The following MGAM variants were observed in gnomAD, a reference collection of about 807,000 sequenced individuals.
MGAM encodes the protein alpha-1,4-glucosidase.
A neutral mutation model predicts 358.8 loss-of-function variants in MGAM; 253 were observed. The observed-to-expected ratio is 0.71, with a 90% CI of 0.64 to 0.78. The LOEUF is 0.78. Among genes scored for constraint, MGAM ranks in the 30% least tolerant of loss-of-function variants. The pLI is 0.00. For missense variants in MGAM, 3,080 were observed against 3,432.6 expected, an observed-to-expected ratio of 0.90 and a Z score of 2.57; for synonymous variants, 1,105 against 1,227.1, an observed-to-expected ratio of 0.90 and a Z score of 2.08.
chr7:142,096,964 T>G (rs111519862), intron 65 of MGAM, among the ~76,000 whole-genome samples: 37,410 of 150,348 alleles, frequency 0.25, 5,628 homozygotes, highest in Non-Finnish European at 0.33. Flanking sequence ...AGTCTCACTC[T>G]GTCATCCAGG....
At chr7:142,017,070 T>C (rs1806030384) in intron 3 of MGAM, among the ~76,000 whole-genome samples, 1 of 152,184 alleles carries the variant, frequency 6.6e-6, no homozygotes, top group African/African-American at 2.4e-5. Flanking sequence ...TTCTAAGGTC[T>C]CATTTTGTGC....
Position 142,097,651 on chromosome 7 carries a change from T to G in MGAM, c.7749+2T>G. On this transcript the variant is annotated splice_donor_variant, in intron 66 of 70. Transcript: ENST00000475668. LOFTEE classifies it high-confidence loss of function. ...GCCCGCTGGTATGATTACTACACGG[T>G]AAGTTTTTCTGAATGTTTATACAAC... The G allele has an allele frequency of 1.2e-6, 2 of 1,603,124 alleles. No homozygotes were observed. The highest frequency in any genetic ancestry group is 2.2e-5 in the South Asian group (2 of 90,840).
intron 3 of MGAM, among the ~76,000 whole-genome samples, chr7:142,010,159 T>G (rs571355494): frequency 5.3e-4 from 80 of 152,234 alleles, no homozygotes; most frequent in Non-Finnish European, 2.5e-4. Flanking sequence ...CAAGCCACCC[T>G]GACACCCTGA....
intron 30 of MGAM, 90 bp downstream of exon 30, chr7:142,057,032 A>C (rs1427010002): frequency 2.6e-6 from 3 of 1,149,924 alleles, no homozygotes; most frequent in Non-Finnish European, 3.7e-6. Flanking sequence ...CTCAGTTGAC[A>C]ACTGGAAATA....
In MGAM at chr7:142,086,052, T is replaced by C; in HGVS notation, c.6636+91T>C. 6.0e-6 allele frequency: 9 copies of C among 1,499,788 alleles called. 2 individuals carry two copies. The highest frequency in any genetic ancestry group is 8.2e-6 in the Non-Finnish European group (9 of 1,094,028). The allele number at this position is 1,499,788 out of a possible 1,614,324, so 92.9% of individuals were successfully genotyped here. The stretch of plus-strand genomic sequence containing the variant: ...TTATACTTTATTTCCATGTTGCAAG[T>C]AGATAAATTGAAGTGTAGTAAGAAA... On this transcript the variant is annotated intron_variant, in intron 55 of 70. Coordinates refer to ENST00000475668, the MANE Select transcript of MGAM (RefSeq NM_001365693.1).
intron 3 of MGAM, among the ~76,000 whole-genome samples, chr7:142,014,593 T>A (rs911872123): frequency 6.6e-6 from 1 of 152,128 alleles, no homozygotes; most frequent in Non-Finnish European, 1.5e-5. Flanking sequence ...ATATCCCTTC[T>A]GTATTATTAC....
chr7:142,038,862 C>T (rs1043918896), intron 19 of MGAM, among the ~76,000 whole-genome samples: 5 of 152,110 alleles, frequency 3.3e-5, no homozygotes, highest in African/African-American at 1.2e-4. Flanking sequence ...TCTAGAGTTA[C>T]AAGTTATGTT....
At chr7:142,056,380 T>A (rs1248283889) in intron 29 of MGAM, among the ~76,000 whole-genome samples, 3 of 152,192 alleles carry the variant, frequency 2.0e-5, no homozygotes, top group African/African-American at 7.2e-5. Flanking sequence ...GCCAGTTATA[T>A]AATTTGAATT....
chr7:142,077,448 A>G (rs1374485495), intron 47 of MGAM, among the ~76,000 whole-genome samples: 2 of 145,716 alleles, frequency 1.4e-5, no homozygotes, highest in Admixed American at 7.0e-5. Flanking sequence ...TTATTACTCC[A>G]GACGTGTGAG....
At chr7:142,025,851 A>T (rs1450852068) in intron 8 of MGAM, among the ~76,000 whole-genome samples, 1 of 152,224 alleles carries the variant, frequency 6.6e-6, no homozygotes. Context: ...ATGATCTAAC[A>T]TGATTCTAGG....
intron 3 of MGAM, among the ~76,000 whole-genome samples, chr7:142,011,158 A>G (rs1363407186): frequency 6.6e-6 from 1 of 152,214 alleles, no homozygotes; most frequent in Non-Finnish European, 1.5e-5. Context: ...TAACAATAAC[A>G]TAAGTGGTAA....
intron 2 of MGAM, among the ~76,000 whole-genome samples, chr7:141,989,878 A>G (rs1395728095): frequency 6.6e-6 from 1 of 152,228 alleles, no homozygotes; most frequent in Non-Finnish European, 1.5e-5. Flanking sequence ...TAATCCACCC[A>G]TAGTTAATTA....
At chr7:142,061,861 A>G (rs1013129953) in intron 34 of MGAM, among the ~76,000 whole-genome samples, 1 of 152,224 alleles carries the variant, frequency 6.6e-6, no homozygotes, top group Non-Finnish European at 1.5e-5. Context: ...GGCAATATAA[A>G]TATCACTCAG....
intron 1 of MGAM, among the ~76,000 whole-genome samples, chr7:141,999,200 A>G (rs1280545945): frequency 6.6e-6 from 1 of 152,220 alleles, no homozygotes; most frequent in African/African-American, 2.4e-5. Context: ...AACTGCAAGC[A>G]GATTTCTTTC....
At chr7:142,080,683 G>A (rs1814175291) in intron 49 of MGAM, 108 bp from the exon 50 acceptor site, 1 of 1,012,122 alleles carries the variant, frequency 9.9e-7, no homozygotes, top group African/African-American at 1.5e-5. Flanking sequence ...ACTTAAAGAA[G>A]ACAGAAACAT....
intron 57 of MGAM, among the ~76,000 whole-genome samples, chr7:142,088,656 GTCTATCTATCTATCTATCTATCTA>G (rs35627220): frequency 8.0e-6 from 1 of 125,746 alleles, no homozygotes; most frequent in South Asian, 2.7e-4. Flanking sequence ...CTATCTGTCT[GTCTATCTATCTATCTATCTATCTA>G]TCTATCTATC....
intron 3 of MGAM, among the ~76,000 whole-genome samples, chr7:142,014,386 A>G (rs879950304): frequency 3.9e-5 from 6 of 152,190 alleles, no homozygotes; most frequent in Non-Finnish European, 7.3e-5. Flanking sequence ...GGGACTTGAT[A>G]AAAGATAGGG....
rs552527241 is a variant in MGAM, at chr7:142,060,768, T to A, written c.4122+395T>A. Among the ~76,000 whole-genome samples, 7 of 152,332 alleles carry A rather than the reference T, an allele frequency of 4.6e-5. No individual in the cohort carries two copies. The South Asian group carries it at 1.5e-3, about 32-fold the overall frequency. On this transcript the variant is annotated intron_variant, in intron 34 of 70. Transcript: ENST00000475668. ...CTGTTGTTGCCTCGGTTATCCCTTT[T>A]AAACAGTCTTCAACCCTCGAAGACT...
intron 21 of MGAM, among the ~76,000 whole-genome samples, chr7:142,042,050 AAT>A (rs367917450): frequency 3.0e-4 from 18 of 60,252 alleles, no homozygotes; most frequent in African/African-American, 1.4e-3. Context: ...TATAATATAT[AAT>A]ATATATACAT....
Sources: gnomAD v4.1 joint callset for allele counts (sites outside exome capture counted in the v4.1 genomes callset) on GRCh38, gnomAD v4.1.1 for gene constraint, MANE v1.5 for transcripts, NCBI Gene and HGNC (gene_info 2026-07-23, HGNC 2026-07-21) for gene names.